The following CSNK1A1 variants were observed in gnomAD, a reference collection of about 807,000 sequenced individuals.
CSNK1A1 encodes the protein casein kinase 1 alpha 1.
A neutral mutation model predicts 46.1 loss-of-function variants in CSNK1A1; 7 were observed. That is an observed-to-expected ratio of 0.15 (90% CI 0.09 to 0.29). CSNK1A1 has a LOEUF of 0.29. Ranked by LOEUF, CSNK1A1 falls within the 10% of genes least tolerant of loss-of-function variation. CSNK1A1 has a pLI of 1.00. For synonymous variants in CSNK1A1, 137 were observed against 141.5 expected, an observed-to-expected ratio of 0.97 and a Z score of 0.23; for missense variants, 96 against 417.1, an observed-to-expected ratio of 0.23 and a Z score of 6.71.
rs530149496 is a variant in CSNK1A1 at position 149,531,643 on chromosome 5, T to C, written c.231-6472A>G. Among the ~76,000 whole-genome samples the C allele has an allele frequency of 1.9e-4, 28 of 148,618 alleles. 1 individual carries two copies. The Middle Eastern group carries it at 0.021, about 114-fold the overall frequency. The stretch of plus-strand genomic sequence containing the variant: ...TGGGTGGATCGCTGGAGGTCAGGAG[T>C]TCGAGACCAGCCTAGCCAACATGGC... On this transcript the variant is annotated intron_variant, in intron 2 of 9. Transcript: ENST00000377843.
rs1761964233 is a variant in CSNK1A1, at chr5:149,533,660, GC to G, written c.231-8490del. Among the ~76,000 whole-genome samples, 3 of 151,128 alleles carry G rather than the reference GC, an allele frequency of 2.0e-5. No homozygotes were observed. In the South Asian group the frequency reaches 6.3e-4, roughly 32 times the overall value. On this transcript the variant is annotated intron_variant, in intron 2 of 9. Transcript: ENST00000377843. ...TATTTCAAAGATCACAAATAATTGA[GC>G]GGGGACGTAGTTGCAAAAAAAAAAA...
intron 2 of CSNK1A1, among the ~76,000 whole-genome samples, chr5:149,532,172 C>A (rs1226989649): frequency 2.0e-5 from 3 of 151,970 alleles, no homozygotes; most frequent in Non-Finnish European, 1.5e-5. Context: ...AGCCACAGTG[C>A]CCAGCCCTAC....
intron 5 of CSNK1A1, 52 bp from the exon 6 acceptor site, chr5:149,511,924 A>G (rs1761234253): frequency 2.8e-6 from 4 of 1,403,510 alleles, no homozygotes; most frequent in South Asian, 2.5e-5. Flanking sequence ...ATGAAAAAAC[A>G]TATGAAAGAA....
intron 2 of CSNK1A1, chr5:149,549,228 G>A (rs1367669367): frequency 1.7e-5 from 8 of 471,084 alleles, no homozygotes; most frequent in African/African-American, 1.3e-4. Flanking sequence ...ACTGATATGA[G>A]TAAATTTTAA....
At chr5:149,509,602 T>C (rs990199534) in intron 7 of CSNK1A1, among the ~76,000 whole-genome samples, 2 of 152,238 alleles carry the variant, frequency 1.3e-5, no homozygotes, top group African/African-American at 4.8e-5. Flanking sequence ...TATTTCACCA[T>C]GTTGCCCAGG....
chr5:149,507,402 A>G (rs573223971), intron 7 of CSNK1A1, among the ~76,000 whole-genome samples: 1 of 152,012 alleles, frequency 6.6e-6, no homozygotes, highest in Non-Finnish European at 1.5e-5. Flanking sequence ...ATGTTCTTAA[A>G]TAACTTACAT....
intron 2 of CSNK1A1, among the ~76,000 whole-genome samples, chr5:149,533,500 T>A (rs79963718): frequency 0.01 from 1,595 of 152,110 alleles, 23 homozygotes; most frequent in African/African-American, 0.037. Context: ...ACAGCATAGG[T>A]TGGTATAGTG....
intron 9 of CSNK1A1, chr5:149,504,320 C>T: frequency 1.0e-6 from 1 of 983,822 alleles, no homozygotes; most frequent in Non-Finnish European, 1.2e-6. Context: ...AATAATATTT[C>T]TTGAAAAGTA....
intron 2 of CSNK1A1, among the ~76,000 whole-genome samples, chr5:149,536,751 AAAGT>A (rs1484244793): frequency 6.6e-6 from 1 of 152,206 alleles, no homozygotes; most frequent in Non-Finnish European, 1.5e-5. Flanking sequence ...AATATTCATA[AAAGT>A]AAGTCCTTCA....
intron 9 of CSNK1A1, chr5:149,502,393 T>A: frequency 1.3e-6 from 1 of 772,768 alleles, no homozygotes; most frequent in Non-Finnish European, 1.6e-6. Flanking sequence ...CAGGCTGGAG[T>A]GCAGTGGCAT....
At chr5:149,511,987 G>A in intron 5 of CSNK1A1, 115 bp from the exon 6 acceptor site, 1 of 733,664 alleles carries the variant, frequency 1.4e-6, no homozygotes, top group Non-Finnish European at 2.2e-6. Context: ...ACTATTTGGT[G>A]TCTTACGCAA....
At chr5:149,512,368 A>G (rs1761254357) in intron 5 of CSNK1A1, among the ~76,000 whole-genome samples, 1 of 152,130 alleles carries the variant, frequency 6.6e-6, no homozygotes, top group African/African-American at 2.4e-5. Context: ...AAAAAGTGAC[A>G]TTACAGTTTA....
At chr5:149,537,279 G>A (rs1305048180) in intron 2 of CSNK1A1, among the ~76,000 whole-genome samples, 3 of 152,156 alleles carry the variant, frequency 2.0e-5, no homozygotes, top group Admixed American at 1.3e-4. Flanking sequence ...AGGGAGCTGA[G>A]GCAGGAGAAT....
At chr5:149,546,131 G>C (rs536554042) in intron 2 of CSNK1A1, among the ~76,000 whole-genome samples, 30 of 151,278 alleles carry the variant, frequency 2.0e-4, no homozygotes, top group African/African-American at 5.8e-4. Flanking sequence ...CCAACTCCTG[G>C]GCTCAGGCAA....
At chr5:149,526,064 T>C (rs1305209538) in intron 2 of CSNK1A1, among the ~76,000 whole-genome samples, 1 of 152,240 alleles carries the variant, frequency 6.6e-6, no homozygotes. Flanking sequence ...GGAAAGCTTA[T>C]GTTTTAAAAA....
At chr5:149,530,502 A>G (rs1006039160) in intron 2 of CSNK1A1, among the ~76,000 whole-genome samples, 1 of 152,238 alleles carries the variant, frequency 6.6e-6, no homozygotes, top group East Asian at 1.9e-4. Context: ...AATAGCACCT[A>G]CAAGATATCC....
chr5:149,517,347 C>T lies in CSNK1A1; in HGVS notation c.456+2943G>A. ...TCTGATCTACACTTACCTGAAGTTCCTTAGGGAAGGGGAAGAGAGGTGAGG... is the reference window on the plus strand; with the variant it reads ...TCTGATCTACACTTACCTGAAGTTCTTTAGGGAAGGGGAAGAGAGGTGAGG... On this transcript the variant is annotated intron_variant, in intron 4 of 9. Coordinates refer to ENST00000377843, the MANE Select transcript of CSNK1A1 (RefSeq NM_001892.6). This position sits in a 1 kb window ranked among gnomAD's most constrained non-coding sequence, Gnocchi z 4.4. Among the ~76,000 whole-genome samples the T allele has an allele frequency of 6.6e-6, 1 of 152,082 alleles. No individual in the cohort carries two copies. Among genetic ancestry groups the T allele is most frequent in the East Asian group, 1.9e-4 (1 of 5,202 alleles).
intron 9 of CSNK1A1, chr5:149,503,629 A>G: frequency 1.0e-6 from 1 of 985,408 alleles, no homozygotes; most frequent in African/African-American, 1.7e-5. Flanking sequence ...ATAAGGATTA[A>G]ACAAGTTTAA....
intron 4 of CSNK1A1, among the ~76,000 whole-genome samples, chr5:149,514,982 T>C (rs562613832): frequency 2.0e-5 from 3 of 152,236 alleles, no homozygotes; most frequent in Non-Finnish European, 4.4e-5. Context: ...GCTTATACTT[T>C]AAGTTTCTCT....
Sources: gnomAD v4.1 joint callset for allele counts (sites outside exome capture counted in the v4.1 genomes callset) on GRCh38, gnomAD v4.1.1 for gene constraint, Gnocchi (gnomAD v3.1) non-coding constraint, MANE v1.5 for transcripts, NCBI Gene and HGNC (gene_info 2026-07-23, HGNC 2026-07-21) for gene names.